The following RASA2 variants were observed in gnomAD, a reference collection of about 807,000 sequenced individuals.
RASA2 encodes RAS p21 protein activator 2.
Under a neutral mutation model 118.2 loss-of-function variants are expected in RASA2, and 155 were observed. The ratio of observed to expected loss-of-function variants is 1.31; its 90% confidence interval spans 1.15 to 1.50. The LOEUF (loss-of-function observed/expected upper bound fraction) is 1.50. RASA2 is among the 40% of genes most tolerant of loss of function. The pLI is 0.00. For missense variants in RASA2, 1,016 were observed against 1,009.6 expected (o/e 1.01, Z -0.09); for synonymous variants, 353 against 349.1 (o/e 1.01, Z -0.12).
At chr3:141,522,557 T>C (rs190902739) in intron 3 of RASA2, among the ~76,000 whole-genome samples, 2 of 152,294 alleles carry the variant, frequency 1.3e-5, no homozygotes, top group East Asian at 3.9e-4. Context: ...CCCAGAATCC[T>C]GTGCAGGGCC....
chr3:141,524,145 C>G (rs915922226), intron 3 of RASA2, among the ~76,000 whole-genome samples: 3 of 152,146 alleles, frequency 2.0e-5, no homozygotes, highest in Non-Finnish European at 4.4e-5. Flanking sequence ...AGCTGAGTGG[C>G]TCGGCTGGTC....
At chr3:141,563,115 G>C (rs908365813) in intron 9 of RASA2, among the ~76,000 whole-genome samples, 3 of 152,012 alleles carry the variant, frequency 2.0e-5, no homozygotes, top group African/African-American at 7.3e-5. Context: ...ATTTTTTTCT[G>C]TTAAGGGACT....
Position 141,571,411 on chromosome 3 carries a change from A to G in RASA2, c.1026A>G (p.Ile342Met), listed in dbSNP as rs948436770. ...TTCTACCTTTCTGTATTTAGCCAAT[A>G]TCTGCCTCAGCTGCTTACATTTTGA... is the stretch of plus-strand genomic sequence containing the variant. ...LLLKSPDVQPISASAAYILSE... is the reference protein window; with the variant it reads ...LLLKSPDVQPMSASAAYILSE... Residue 342 changes from isoleucine (I) to methionine (M), a missense_variant, in exon 11 of 24, where the codon ATA (isoleucine) becomes ATG (methionine). Around this residue, in one of 2 missense-constraint regions of RASA2, gnomAD observed 896 missense variants for 836.4 expected, o/e 1.07. Transcript: ENST00000286364. 31 of 1,612,184 alleles carry G rather than the reference A, an allele frequency of 1.9e-5. No homozygotes were observed. Among genetic ancestry groups the G allele is most frequent in the Non-Finnish European group, 2.5e-5 (30 of 1,179,520 alleles).
intron 19 of RASA2, among the ~76,000 whole-genome samples, chr3:141,594,574 G>C (rs1337264216): frequency 2.0e-5 from 3 of 152,056 alleles, no homozygotes; most frequent in Non-Finnish European, 4.4e-5. Context: ...CAGTACAGTT[G>C]ACAGCCAACT....
At chr3:141,516,692 A>G (rs892564017) in intron 3 of RASA2, among the ~76,000 whole-genome samples, 8 of 151,558 alleles carry the variant, frequency 5.3e-5, no homozygotes, top group African/African-American at 1.7e-4. Flanking sequence ...TTTCCATGGT[A>G]CTCATTATGC....
chr3:141,563,706 C>T (rs1175895351), intron 9 of RASA2, among the ~76,000 whole-genome samples: 1 of 152,140 alleles, frequency 6.6e-6, no homozygotes, highest in East Asian at 1.9e-4. Flanking sequence ...AGAAATTTAG[C>T]AACTTGTCTA....
rs956317442 is a variant in RASA2 at position 141,598,013 on chromosome 3, A to G, written c.1934-9665A>G. Among the ~76,000 whole-genome samples the G allele has an allele frequency of 2.6e-5, 4 of 152,280 alleles. 1 individual carries two copies. The South Asian group carries it at 8.3e-4, about 32-fold the overall frequency. On this transcript the variant is annotated intron_variant, in intron 19 of 23. Transcript: ENST00000286364. ...AATTTACTAAAACAGATGCAAGAAAAAAGTAGAATATCTTAAAAACCCTGT... is the reference window on the plus strand; with the variant it reads ...AATTTACTAAAACAGATGCAAGAAAGAAGTAGAATATCTTAAAAACCCTGT...
At chr3:141,576,891 C>A in intron 14 of RASA2, 109 bp from the exon 15 acceptor site, 2 of 592,326 alleles carry the variant, frequency 3.4e-6, no homozygotes, top group South Asian at 3.1e-5. Context: ...TCTTACTAGA[C>A]AAATTATGTT....
intron 19 of RASA2, among the ~76,000 whole-genome samples, chr3:141,603,334 G>A (rs972333039): frequency 2.0e-5 from 3 of 152,054 alleles, no homozygotes. Flanking sequence ...ACTTTAGGAG[G>A]CCAAGGCGGG....
At chr3:141,606,141 C>CT (rs1247800097) in intron 19 of RASA2, among the ~76,000 whole-genome samples, 1 of 152,174 alleles carries the variant, frequency 6.6e-6, no homozygotes, top group African/African-American at 2.4e-5. Context: ...TCTGTGTCCA[C>CT]TGGCTCTGGC....
At chr3:141,599,034 G>A (rs1464564469) in intron 19 of RASA2, among the ~76,000 whole-genome samples, 1 of 152,112 alleles carries the variant, frequency 6.6e-6, no homozygotes, top group Non-Finnish European at 1.5e-5. Context: ...GTTGCAGTGA[G>A]CCGAGATCGC....
intron 15 of RASA2, chr3:141,578,392 A>G (rs530532733): frequency 6.6e-6 from 1 of 152,276 alleles, no homozygotes. Context: ...TGAGTAAGAT[A>G]CTCTTTGCCC....
intron 1 of RASA2, among the ~76,000 whole-genome samples, chr3:141,504,926 A>G (rs2081841612): frequency 6.6e-6 from 1 of 152,026 alleles, no homozygotes. Context: ...GCCTTTGCAC[A>G]TTTTATTCTT....
chr3:141,512,691 A>G (rs1264714155), intron 2 of RASA2, among the ~76,000 whole-genome samples: 1 of 152,242 alleles, frequency 6.6e-6, no homozygotes, highest in Non-Finnish European at 1.5e-5. Context: ...AAACTGGAAT[A>G]TACCACCTCT....
At chr3:141,563,203 A>T (rs2082764049) in intron 9 of RASA2, among the ~76,000 whole-genome samples, 1 of 152,200 alleles carries the variant, frequency 6.6e-6, no homozygotes, top group Non-Finnish European at 1.5e-5. Flanking sequence ...AGAGCAACTG[A>T]ATGCTACTTT....
chr3:141,596,630 G>A (rs972649706), intron 19 of RASA2, among the ~76,000 whole-genome samples: 1 of 152,062 alleles, frequency 6.6e-6, no homozygotes, highest in African/African-American at 2.4e-5. Context: ...TTTAAAAAGA[G>A]GACGATAGAT....
intron 11 of RASA2, among the ~76,000 whole-genome samples, chr3:141,572,029 C>CATAT (rs10568210): frequency 0.036 from 4,407 of 121,158 alleles, 110 homozygotes; most frequent in Non-Finnish European, 0.056. Context: ...TTTAAAAAAA[C>CATAT]ATATATATAT....
chr3:141,549,915 C>T (rs961434444), intron 5 of RASA2, among the ~76,000 whole-genome samples: 3 of 152,092 alleles, frequency 2.0e-5, no homozygotes, highest in Admixed American at 6.5e-5. Context: ...AAATCTGGAA[C>T]AATTTGAGCT....
chr3:141,584,241 G>C (rs2083161938), intron 17 of RASA2, among the ~76,000 whole-genome samples: 1 of 138,528 alleles, frequency 7.2e-6, no homozygotes, highest in Non-Finnish European at 1.5e-5. Context: ...TGAGGCAGGA[G>C]AATCACTTGA....
Sources: allele counts gnomAD v4.1 joint callset (sites outside exome capture counted in the v4.1 genomes callset), GRCh38; gene constraint gnomAD v4.1.1; regional missense constraint gnomAD v4.1.1; transcripts MANE v1.5; gene names NCBI Gene and HGNC (gene_info 2026-07-23, HGNC 2026-07-21).